Variants in CTNNA3 observed in about 807,000 individuals in gnomAD.
CTNNA3 encodes the protein catenin alpha 3.
CTNNA3 carries 76 observed loss-of-function variants against 95.7 expected under a neutral mutation model. That is an observed-to-expected ratio of 0.79 (90% confidence interval 0.66 to 0.96). The LOEUF (loss-of-function observed/expected upper bound fraction) is 0.96, where lower values mean the gene tolerates loss of function less well. CTNNA3 is among the 40% of genes least tolerant of loss of function. CTNNA3 has a pLI of 0.00. For synonymous variants in CTNNA3, 431 were observed against 374.4 expected (o/e 1.15, Z -1.74); for missense variants, 1,191 against 1,089.8 (o/e 1.09, Z -1.31).
intron 11 of CTNNA3, among the ~76,000 whole-genome samples, chr10:66,422,985 G>A (rs72808716): frequency 6.6e-6 from 1 of 151,728 alleles, no homozygotes; most frequent in Non-Finnish European, 1.5e-5. Flanking sequence ...GGAGGTAGGG[G>A]GGCAGCTTTA....
At chr10:65,967,872 CA>C (rs2078008818) in intron 16 of CTNNA3, among the ~76,000 whole-genome samples, 1 of 151,926 alleles carries the variant, frequency 6.6e-6, no homozygotes, top group African/African-American at 2.4e-5. Flanking sequence ...GATTTATATG[CA>C]AAGATCTTCA....
chr10:67,442,734 TAA>T (rs1483374167), intron 5 of CTNNA3, among the ~76,000 whole-genome samples: 1 of 152,118 alleles, frequency 6.6e-6, no homozygotes. Context: ...TCATTAGAGC[TAA>T]AGAGACAGGT....
chr10:67,505,186 T>C (rs867037252), intron 5 of CTNNA3, among the ~76,000 whole-genome samples: 18 of 152,298 alleles, frequency 1.2e-4, no homozygotes, highest in Middle Eastern at 3.4e-3. Context: ...ACATGAGCAT[T>C]TAGCTTAAGT....
intron 13 of CTNNA3, among the ~76,000 whole-genome samples, chr10:66,153,842 T>C (rs75541634): frequency 0.1 from 11,277 of 109,440 alleles, 528 homozygotes; most frequent in Admixed American, 0.17. Context: ...TACTTAATAA[T>C]TTGTTTACAC....
chr10:66,397,242 A>T (rs1392057005), intron 11 of CTNNA3, among the ~76,000 whole-genome samples: 2 of 151,718 alleles, frequency 1.3e-5, no homozygotes, highest in African/African-American at 4.8e-5. Flanking sequence ...CTATTGTAAG[A>T]TACTATTAAA....
chr10:65,957,128 T>C (rs1323743534), intron 17 of CTNNA3, among the ~76,000 whole-genome samples: 1 of 152,212 alleles, frequency 6.6e-6, no homozygotes, highest in Non-Finnish European at 1.5e-5. Flanking sequence ...AATTGATCCC[T>C]TTACCATTAT....
chr10:67,493,318 T>C (rs1013931630), intron 5 of CTNNA3, among the ~76,000 whole-genome samples: 3 of 152,058 alleles, frequency 2.0e-5, no homozygotes, highest in East Asian at 3.9e-4. Context: ...ATCCCAGCAC[T>C]TGGGAGGCCG....
rs139781356 is a variant in CTNNA3 at position 67,180,727 on chromosome 10, C to G, written c.844-207G>C. 1.4e-3 allele frequency among the ~76,000 whole-genome samples: 208 copies of G among 152,216 alleles called. 1 individual carries two copies. The highest frequency in any genetic ancestry group is 4.7e-3 in the African/African-American group (194 of 41,538). ...AGTGATGCAATTATGAGCTTTTGTTCTAGCCTCAGACAGACCTGGATTCAA... is the reference window on the plus strand; with the variant it reads ...AGTGATGCAATTATGAGCTTTTGTTGTAGCCTCAGACAGACCTGGATTCAA... On this transcript the variant is annotated intron_variant, in intron 6 of 17. Transcript: ENST00000433211.
At chr10:67,715,440 C>T (rs1467823293) in intron 1 of CTNNA3, among the ~76,000 whole-genome samples, 1 of 152,016 alleles carries the variant, frequency 6.6e-6, no homozygotes, top group Non-Finnish European at 1.5e-5. Context: ...TAGGGCTCAA[C>T]CCCCAGGAGA....
chr10:67,114,709 G>GGTGGGTGTGTGT (rs932746570), intron 7 of CTNNA3, among the ~76,000 whole-genome samples: 2 of 144,846 alleles, frequency 1.4e-5, no homozygotes, highest in African/African-American at 5.2e-5. Flanking sequence ...GGTTCTTAAA[G>GGTGGGTGTGTGT]GTGTGTGTGT....
intron 13 of CTNNA3, among the ~76,000 whole-genome samples, chr10:66,280,059 GT>G (rs1359319763): frequency 3.3e-5 from 5 of 151,848 alleles, no homozygotes; most frequent in Non-Finnish European, 7.4e-5. Flanking sequence ...GGATGAGAGG[GT>G]TTGGCCATAA....
chr10:66,431,024 C>T (rs1388283109), intron 11 of CTNNA3, among the ~76,000 whole-genome samples: 1 of 151,206 alleles, frequency 6.6e-6, no homozygotes, highest in Non-Finnish European at 1.5e-5. Context: ...GGCTAATATC[C>T]AGAATCCACA....
chr10:66,367,004 T>C (rs779882094), intron 12 of CTNNA3, among the ~76,000 whole-genome samples: 1 of 152,112 alleles, frequency 6.6e-6, no homozygotes, highest in Non-Finnish European at 1.5e-5. Context: ...CTATTCAATG[T>C]AAGAAATGCA....
intron 13 of CTNNA3, among the ~76,000 whole-genome samples, chr10:66,106,323 G>T (rs975005700): frequency 7.7e-6 from 1 of 130,298 alleles, no homozygotes; most frequent in African/African-American, 2.9e-5. Context: ...TGGAAGTTTT[G>T]TGTGTGTGTG....
chr10:67,023,664 G>A (rs928275112), intron 7 of CTNNA3, among the ~76,000 whole-genome samples: 1 of 152,152 alleles, frequency 6.6e-6, no homozygotes, highest in Non-Finnish European at 1.5e-5. Context: ...AATCTATGGA[G>A]AAAAATTGAG....
intron 3 of CTNNA3, among the ~76,000 whole-genome samples, chr10:67,576,672 T>C (rs1012234999): frequency 7.0e-5 from 10 of 142,490 alleles, no homozygotes; most frequent in Non-Finnish European, 1.5e-4. Context: ...TCATTTAGCA[T>C]TAGGTATATC....
intron 7 of CTNNA3, among the ~76,000 whole-genome samples, chr10:66,821,237 AT>A (rs1386043869): frequency 6.6e-6 from 1 of 152,194 alleles, no homozygotes; most frequent in Non-Finnish European, 1.5e-5. Context: ...GCAAAGAAAG[AT>A]ATAGATTTGA....
intron 11 of CTNNA3, among the ~76,000 whole-genome samples, chr10:66,495,484 A>G (rs1380851661): frequency 6.6e-6 from 1 of 152,192 alleles, no homozygotes; most frequent in African/African-American, 2.4e-5. Context: ...TTTTGTTAGT[A>G]TCTGGAGATA....
chr10:66,408,279 A>T (rs1287047400), intron 11 of CTNNA3, among the ~76,000 whole-genome samples: 1 of 152,306 alleles, frequency 6.6e-6, no homozygotes, highest in Non-Finnish European at 1.5e-5. Context: ...ATCCAGTTGT[A>T]CCTTTTAAAT....
Sources: gnomAD v4.1 joint callset for allele counts (sites outside exome capture counted in the v4.1 genomes callset) on GRCh38, gnomAD v4.1.1 for gene constraint, MANE v1.5 for transcripts, NCBI Gene and HGNC (gene_info 2026-07-23, HGNC 2026-07-21) for gene names.